The following PANK4 variants were observed in gnomAD, a reference collection of about 807,000 sequenced individuals.
The protein encoded by PANK4 is 4'-phosphopantetheine phosphatase.
A neutral mutation model predicts 87.9 loss-of-function variants in PANK4; 40 were observed. The ratio of observed to expected loss-of-function variants is 0.46; its 90% CI spans 0.35 to 0.59. The LOEUF is 0.59. Among genes scored for constraint, PANK4 ranks in the 20% least tolerant of loss-of-function variants. PANK4 has a pLI of 0.00. For missense variants in PANK4, 926 were observed against 1,072.3 expected, an observed-to-expected ratio of 0.86 and a Z score of 1.90; for synonymous variants, 524 against 467.4, an observed-to-expected ratio of 1.12 and a Z score of -1.56.
rs1478689672 is a variant in PANK4, at chr1:2,510,776, G to A, written c.1840C>T (p.Pro614Ser). Residue 614 changes from proline to serine, a missense_variant, in exon 16 of 19, where the codon CCT (proline) becomes TCT (serine). By Grantham distance (74) the Pro-to-Ser change is moderately conservative. Transcript: ENST00000378466. This position sits in a 1 kb window ranked among gnomAD's most constrained non-coding sequence, Gnocchi z 4.9. Reference protein sequence around the residue: ...SEWLQRLKGPPHKCALIFADN... With the variant: ...SEWLQRLKGPSHKCALIFADN... ...GCGAAAATTAAGGCACATTTATGAG[G>A]GGGCCCCTGTAAGACAAAACCAGGA... is the stretch of plus-strand genomic sequence containing the variant. The A allele has an allele frequency of 2.5e-6, 4 of 1,607,374 alleles. No homozygotes were observed. In the Admixed American group the frequency reaches 5.0e-5, roughly 20 times the overall value.
chr1:2,517,276 T>A (rs1643798108), intron 9 of PANK4, among the ~76,000 whole-genome samples: 1 of 152,126 alleles, frequency 6.6e-6, no homozygotes, highest in Admixed American at 6.5e-5. Context: ...CGTGGCCTGG[T>A]GTGAACTGCA....
At position 2,520,713 on chromosome 1, in the gene PANK4, CG is replaced by C; in HGVS notation, c.606+9del. 1 of 1,608,588 alleles carries C rather than the reference CG, an allele frequency of 6.2e-7. No individual in the cohort carries two copies. Among genetic ancestry groups the C allele is most frequent in the African/African-American group, 1.3e-5 (1 of 74,716 alleles). On this transcript the variant is annotated intron_variant, in intron 4 of 18. Coordinates refer to ENST00000378466, the MANE Select transcript of PANK4 (RefSeq NM_018216.4). This position sits in a 1 kb window ranked among gnomAD's most constrained non-coding sequence, Gnocchi z 6.2. ...CCATCCACTCATTCATTCATGAAGC[CG>C]GGTCTTACCTTCACGATGGAGACTC...
At chr1:2,518,391 C>T (rs1643823410) in intron 8 of PANK4, 125 bp downstream of exon 8, 8 of 967,210 alleles carry the variant, frequency 8.3e-6, no homozygotes, top group African/African-American at 3.2e-5. Context: ...ATGCCTGCTG[C>T]TGTCACTTTC....
At position 2,514,487 on chromosome 1, in the gene PANK4, G is replaced by GGGTT. The variant is rs747363038; in HGVS notation, c.1375-25_1375-22dup. 28 of 1,577,496 alleles carry GGGTT rather than the reference G, an allele frequency of 1.8e-5. No homozygotes were observed. In the Middle Eastern group the frequency reaches 3.9e-3, roughly 221 times the overall value. ...ACTACCTGCCAGCGACAGAAGGAGG[G>GGGTT]GGTTAGTCAAGCGCTGGCCCTGCTG... On this transcript the variant is annotated intron_variant, in intron 10 of 18. Transcript: ENST00000378466.
intron 1 of PANK4, among the ~76,000 whole-genome samples, chr1:2,525,382 T>A (rs1192653674): frequency 6.6e-6 from 1 of 151,870 alleles, no homozygotes; most frequent in East Asian, 1.9e-4. Flanking sequence ...TCTTGTGGGA[T>A]TCACACACAA....
At chr1:2,511,291 GC>G in intron 15 of PANK4, 46 bp downstream of exon 15, 1 of 1,405,934 alleles carries the variant, frequency 7.1e-7, no homozygotes, top group Non-Finnish European at 1.0e-6. Context: ...ACCCCCCCGG[GC>G]CCCGCTGTGT....
Position 2,515,195 on chromosome 1 carries a change from G to T in PANK4, c.1374+367C>A. The T allele has an allele frequency of 2.3e-6, 1 of 430,248 alleles. No homozygotes were observed. Among genetic ancestry groups the T allele is most frequent in the Non-Finnish European group, 4.6e-6 (1 of 216,382 alleles). 26.7% of individuals were successfully genotyped at this position (430,248 alleles called of 1,614,324 possible). On this transcript the variant is annotated intron_variant, in intron 10 of 18. Transcript: ENST00000378466. This position sits in a 1 kb window ranked among gnomAD's most constrained non-coding sequence, Gnocchi z 5.0. ...GGTGGCCTCGCCGGGAGCTTGCTGG[G>T]GCTGAGTCTCACCCCACCCCCAGAG... is the stretch of plus-strand genomic sequence containing the variant.
At chr1:2,512,813 CT>C (rs1470053369) in intron 13 of PANK4, 74 bp downstream of exon 13, 3 of 1,493,730 alleles carry the variant, frequency 2.0e-6, no homozygotes, top group African/African-American at 2.8e-5. Flanking sequence ...CCCGCTCCAC[CT>C]CCTTGCCCGC....
chr1:2,521,433 T>C, intron 2 of PANK4, 118 bp from the exon 3 acceptor site: 1 of 876,248 alleles, frequency 1.1e-6, no homozygotes, highest in East Asian at 2.4e-5. Context: ...GGCGGCGCTC[T>C]GAGGCAGAAT....
At chr1:2,516,317 G>A (rs1247179017) in intron 9 of PANK4, among the ~76,000 whole-genome samples, 1 of 152,160 alleles carries the variant, frequency 6.6e-6, no homozygotes, top group Non-Finnish European at 1.5e-5. Flanking sequence ...GAAGGACTAT[G>A]GCAGGGCCAG....
chr1:2,514,766 G>A lies in PANK4; in HGVS notation c.1375-300C>T, dbSNP rs542378611. ...GTCAGGGCAGTTTCTACTGGAACAGGAAAGGCTGACGGTGACAGTTCACGG... is the reference window on the plus strand; with the variant it reads ...GTCAGGGCAGTTTCTACTGGAACAGAAAAGGCTGACGGTGACAGTTCACGG... On this transcript the variant is annotated intron_variant, in intron 10 of 18. Transcript: ENST00000378466. 2.0e-4 allele frequency among the ~76,000 whole-genome samples: 31 copies of A among 152,156 alleles called. No homozygotes were observed. In the South Asian group the frequency reaches 4.2e-3, roughly 20 times the overall value.
At chr1:2,518,127 C>T (rs1461785232) in intron 9 of PANK4, 37 bp downstream of exon 9, 1 of 1,366,490 alleles carries the variant, frequency 7.3e-7, no homozygotes, top group Admixed American at 1.9e-5. Context: ...ATAGGCTGCT[C>T]CCCTGGGGCC....
At chr1:2,513,518 C>G (rs949800355) in intron 12 of PANK4, among the ~76,000 whole-genome samples, 2 of 152,328 alleles carry the variant, frequency 1.3e-5, no homozygotes, top group Middle Eastern at 3.4e-3. Flanking sequence ...AACGGACGCC[C>G]GGAAAGGCCC....
At chr1:2,518,331 G>A (rs1643822081) in intron 8 of PANK4, 67 bp from the exon 9 acceptor site, 14 of 1,158,758 alleles carry the variant, frequency 1.2e-5, no homozygotes, top group South Asian at 2.5e-5. Flanking sequence ...GAGAGTGGAG[G>A]AGGAAAGGGT....
chr1:2,524,267 G>A (rs1643901537), intron 1 of PANK4, among the ~76,000 whole-genome samples: 1 of 152,050 alleles, frequency 6.6e-6, no homozygotes, highest in Non-Finnish European at 1.5e-5. Flanking sequence ...CACAGGGCAG[G>A]TGAGCTTTCC....
intron 8 of PANK4, 26 bp from the exon 9 acceptor site, chr1:2,518,290 T>C: frequency 6.7e-7 from 1 of 1,501,152 alleles, no homozygotes; most frequent in East Asian, 2.3e-5. Flanking sequence ...CCAGGTCACT[T>C]GTGTTAACCT....
At position 2,520,248 on chromosome 1, in the gene PANK4, A is replaced by G; in HGVS notation, c.699+74T>C. The G allele has an allele frequency of 7.1e-7, 1 of 1,411,950 alleles. No individual in the cohort carries two copies. Among genetic ancestry groups the G allele is most frequent in the Non-Finnish European group, 1.0e-6 (1 of 999,146 alleles). The allele number at this position is 1,411,950 out of a possible 1,614,324, so 87.5% of individuals were successfully genotyped here. On this transcript the variant is annotated intron_variant, in intron 5 of 18. Transcript: ENST00000378466. The surrounding 1 kb of genome is among the most constrained non-coding windows in gnomAD (Gnocchi z 6.2). ...CCCGGAAGCAGCTTTTGCACCGCCCAGCTGCAGGCCTTCGGGGGAAGGAAG... is the reference window on the plus strand; with the variant it reads ...CCCGGAAGCAGCTTTTGCACCGCCCGGCTGCAGGCCTTCGGGGGAAGGAAG...
At chr1:2,512,369 G>C (rs1268608363) in intron 13 of PANK4, 1 of 154,362 alleles carries the variant, frequency 6.5e-6, no homozygotes, top group Non-Finnish European at 1.4e-5. Flanking sequence ...TGGTGCGGCC[G>C]CCTGGGGAGG....
intron 9 of PANK4, among the ~76,000 whole-genome samples, chr1:2,517,259 G>A (rs1412778844): frequency 6.6e-6 from 1 of 152,244 alleles, no homozygotes; most frequent in African/African-American, 2.4e-5. Flanking sequence ...GTGCGTCTGT[G>A]CGAGGCCGTG....
Sources: allele counts gnomAD v4.1 joint callset (sites outside exome capture counted in the v4.1 genomes callset), GRCh38; gene constraint gnomAD v4.1.1; non-coding constraint Gnocchi (gnomAD v3.1); transcripts MANE v1.5; gene names NCBI Gene and HGNC (gene_info 2026-07-23, HGNC 2026-07-21).